The following RYR2 variants were observed in gnomAD, a reference collection of about 807,000 sequenced individuals.
RYR2 encodes cardiac muscle ryanodine receptor-calcium release channel.
In RYR2, 227 loss-of-function variants were observed where a neutral mutation model predicts 601.1. The observed-to-expected ratio is 0.38, with a 90% confidence interval of 0.34 to 0.42. The LOEUF is 0.42. RYR2 is among the 10% of genes least tolerant of loss of function. RYR2 has a pLI of 1.00. For missense variants in RYR2, 4,646 were observed against 6,156.5 expected, an observed-to-expected ratio of 0.75 and a Z score of 8.21; for synonymous variants, 2,223 against 2,175.1, an observed-to-expected ratio of 1.02 and a Z score of -0.61.
intron 29 of RYR2, among the ~76,000 whole-genome samples, chr1:237,577,813 C>A (rs1309944382): frequency 1.3e-5 from 2 of 152,022 alleles, no homozygotes; most frequent in African/African-American, 2.4e-5. Flanking sequence ...TTTTGAAATT[C>A]TTCTTTTGAG....
intron 17 of RYR2, among the ~76,000 whole-genome samples, chr1:237,490,974 G>A (rs1475110753): frequency 6.6e-6 from 1 of 152,078 alleles, no homozygotes. Context: ...GGGTCTAATT[G>A]GTGTGAATGG....
chr1:237,615,868 G>T (rs1678407372), intron 37 of RYR2, among the ~76,000 whole-genome samples: 1 of 152,204 alleles, frequency 6.6e-6, no homozygotes, highest in Non-Finnish European at 1.5e-5. Context: ...ACCCCTCAGA[G>T]ATTTTGACTT....
At chr1:237,217,246 C>T (rs1683288574) in intron 1 of RYR2, among the ~76,000 whole-genome samples, 1 of 152,074 alleles carries the variant, frequency 6.6e-6, no homozygotes, top group African/African-American at 2.4e-5. Context: ...TAACCTTTCC[C>T]TGCTCGATGA....
chr1:237,193,341 C>A (rs1680211811), intron 1 of RYR2, among the ~76,000 whole-genome samples: 1 of 152,054 alleles, frequency 6.6e-6, no homozygotes, highest in Non-Finnish European at 1.5e-5. Flanking sequence ...GTGGCGGGAG[C>A]CTGTAGTCCC....
At chr1:237,347,323 A>C in intron 3 of RYR2, among the ~76,000 whole-genome samples, 1 of 152,170 alleles carries the variant, frequency 6.6e-6, no homozygotes, top group East Asian at 1.9e-4. Flanking sequence ...AAAAACAAAC[A>C]AACAGAAAAA....
chr1:237,725,083 G>A (rs1256993223), intron 74 of RYR2, among the ~76,000 whole-genome samples: 1 of 152,068 alleles, frequency 6.6e-6, no homozygotes, highest in Non-Finnish European at 1.5e-5. Context: ...AGATAAATAT[G>A]GGATGATACG....
At chr1:237,331,512 C>CTTTTTTTTTTTTTTTT (rs1460724250) in intron 3 of RYR2, among the ~76,000 whole-genome samples, 42 of 150,740 alleles carry the variant, frequency 2.8e-4, no homozygotes, top group African/African-American at 9.1e-4. Flanking sequence ...TTTTTCTTTT[C>CTTTTTTTTTTTTTTTT]TTTTTTTTGA....
intron 29 of RYR2, among the ~76,000 whole-genome samples, chr1:237,582,516 A>G: frequency 6.6e-6 from 1 of 152,114 alleles, no homozygotes; most frequent in Non-Finnish European, 1.5e-5. Flanking sequence ...GGTTTGTAGT[A>G]CAATTGATAC....
At position 237,700,418 on chromosome 1, in the gene RYR2, T is replaced by G. The variant is rs2797436; in HGVS notation, c.9318T>G (p.Ser3106=). 0.99 allele frequency: 1,600,353 copies of G among 1,609,324 alleles called. 796,067 individuals carry two copies. Among genetic ancestry groups the G allele is most frequent in the East Asian group, 1 (44,828 of 44,830 alleles). ...CAGTGGCCCTGCTGCCAATGCTGTC[T>G]TCATTATTTGAACATATTGGCCAGC... ...YTTVALLPML[S]SLFEHIGQHQ... is the part of the protein sequence containing the mutation. The change falls in exon 65 of 105, where the codon TCT becomes TCG. Residue 3106 remains serine (S), a synonymous_variant. Coordinates refer to ENST00000366574, the MANE Select transcript of RYR2 (RefSeq NM_001035.3).
chr1:237,187,621 C>A (rs531262924), intron 1 of RYR2, among the ~76,000 whole-genome samples: 1 of 151,576 alleles, frequency 6.6e-6, no homozygotes, highest in South Asian at 2.1e-4. Flanking sequence ...TTTTTTAATT[C>A]TTTGTAGATA....
intron 38 of RYR2, among the ~76,000 whole-genome samples, chr1:237,621,875 AG>A (rs2148637113): frequency 6.6e-6 from 1 of 152,294 alleles, no homozygotes; most frequent in South Asian, 2.1e-4. Flanking sequence ...CCACGACTTA[AG>A]GATGAGGGGC....
At chr1:237,829,637 T>A (rs1663554568) in intron 102 of RYR2, among the ~76,000 whole-genome samples, 1 of 152,220 alleles carries the variant, frequency 6.6e-6, no homozygotes, top group African/African-American at 2.4e-5. Flanking sequence ...TTGCTCAATG[T>A]GACCTATCAG....
chr1:237,389,126 A>G (rs1256915464), intron 10 of RYR2, among the ~76,000 whole-genome samples: 1 of 152,200 alleles, frequency 6.6e-6, no homozygotes, highest in Admixed American at 6.5e-5. Flanking sequence ...TCCGTAAGCT[A>G]AAACTGCCTC....
At chr1:237,145,670 A>G (rs1673925961) in intron 1 of RYR2, among the ~76,000 whole-genome samples, 1 of 152,176 alleles carries the variant, frequency 6.6e-6, no homozygotes, top group Non-Finnish European at 1.5e-5. Flanking sequence ...TAGACCTACT[A>G]TACCCATAAA....
At chr1:237,185,298 C>T (rs1679227043) in intron 1 of RYR2, among the ~76,000 whole-genome samples, 1 of 152,166 alleles carries the variant, frequency 6.6e-6, no homozygotes, top group Non-Finnish European at 1.5e-5. Context: ...CACCCGGCTA[C>T]ATAGAGGCCC....
intron 2 of RYR2, among the ~76,000 whole-genome samples, chr1:237,273,344 G>A (rs1689902432): frequency 1.3e-5 from 2 of 152,198 alleles, no homozygotes; most frequent in African/African-American, 4.8e-5. Flanking sequence ...GGGAGCAGCT[G>A]TACATACAGA....
intron 12 of RYR2, among the ~76,000 whole-genome samples, chr1:237,436,059 A>T (rs546850710): frequency 6.6e-6 from 1 of 152,184 alleles, no homozygotes; most frequent in African/African-American, 2.4e-5. Context: ...GCTGTAGTTT[A>T]TGTGCTCAGG....
intron 1 of RYR2, among the ~76,000 whole-genome samples, chr1:237,239,151 T>G (rs953629679): frequency 1.3e-5 from 2 of 152,220 alleles, no homozygotes; most frequent in African/African-American, 4.8e-5. Flanking sequence ...TTGCTATTAT[T>G]ATTCCTTTTG....
At chr1:237,362,683 G>A (rs1302500294) in intron 4 of RYR2, among the ~76,000 whole-genome samples, 1 of 152,054 alleles carries the variant, frequency 6.6e-6, no homozygotes, top group Non-Finnish European at 1.5e-5. Flanking sequence ...GTAATATCTA[G>A]CACTTAAACC....
Sources: allele counts gnomAD v4.1 joint callset (sites outside exome capture counted in the v4.1 genomes callset), GRCh38; gene constraint gnomAD v4.1.1; transcripts MANE v1.5; gene names NCBI Gene and HGNC (gene_info 2026-07-23, HGNC 2026-07-21).